Variants in PTPRM observed in about 807,000 individuals in gnomAD.
The protein encoded by PTPRM is protein tyrosine phosphatase receptor type M.
A neutral mutation model predicts 186.7 loss-of-function variants in PTPRM; 47 were observed. That is an observed-to-expected ratio of 0.25 (90% CI 0.20 to 0.32). The LOEUF (loss-of-function observed/expected upper bound fraction) is 0.32, where lower values mean the gene tolerates loss of function less well. Ranked by LOEUF, PTPRM falls within the 10% of genes least tolerant of loss-of-function variation. PTPRM has a pLI of 1.00. For missense variants in PTPRM, 1,494 were observed against 1,865.0 expected (o/e 0.80, Z 3.66); for synonymous variants, 668 against 674.9 (o/e 0.99, Z 0.16).
intron 11 of PTPRM, among the ~76,000 whole-genome samples, chr18:8,109,736 G>T (rs879746631): frequency 2.0e-5 from 3 of 151,996 alleles, no homozygotes; most frequent in Non-Finnish European, 4.4e-5. Context: ...CACCTATTAG[G>T]CACTCAAAAA....
chr18:8,128,688 T>C (rs1239100958), intron 13 of PTPRM, among the ~76,000 whole-genome samples: 3 of 152,190 alleles, frequency 2.0e-5, no homozygotes. Context: ...TGTTGCTTTT[T>C]TCTTGTCATT....
chr18:7,680,677 C>T (rs778948741), intron 1 of PTPRM, among the ~76,000 whole-genome samples: 1 of 150,886 alleles, frequency 6.6e-6, no homozygotes, highest in Non-Finnish European at 1.5e-5. Flanking sequence ...TCATTTTGCT[C>T]GGATAGGGAA....
intron 2 of PTPRM, among the ~76,000 whole-genome samples, chr18:7,826,209 G>A (rs2045476428): frequency 6.6e-6 from 1 of 152,204 alleles, no homozygotes; most frequent in Non-Finnish European, 1.5e-5. Flanking sequence ...GAAAACTTCT[G>A]TCCTAGCACA....
At chr18:8,253,527 C>A in intron 19 of PTPRM, 113 bp downstream of exon 19, 1 of 998,908 alleles carries the variant, frequency 1.0e-6, no homozygotes, top group Non-Finnish European at 1.3e-6. Flanking sequence ...CCGAGAGATG[C>A]CAGAAAGAGA....
intron 14 of PTPRM, among the ~76,000 whole-genome samples, chr18:8,225,587 G>T (rs368062635): frequency 2.0e-5 from 3 of 152,254 alleles, no homozygotes; most frequent in Admixed American, 6.5e-5. Flanking sequence ...TGGGTCAGCC[G>T]TTGCTTCTAG....
chr18:8,305,921 G>A (rs1429162766), intron 20 of PTPRM, among the ~76,000 whole-genome samples: 1 of 150,138 alleles, frequency 6.7e-6, no homozygotes, highest in African/African-American at 2.5e-5. Context: ...TTTTTGGATG[G>A]AGTTTCACCC....
chr18:8,114,613 ACTGG>A lies in PTPRM; in HGVS notation c.2131-177_2131-174del, dbSNP rs1447426210. ...CTAGAAATGCCCAGCACTGCCTGCC[ACTGG>A]AGCCAGAAAATGTATCTGAGTATGG... On this transcript the variant is annotated intron_variant, in intron 12 of 32. Transcript: ENST00000580170. Among the ~76,000 whole-genome samples the A allele has an allele frequency of 2.0e-5, 3 of 152,188 alleles. No homozygotes were observed. The South Asian group carries it at 6.2e-4, about 31-fold the overall frequency.
chr18:7,676,976 C>G (rs2039358855), intron 1 of PTPRM, among the ~76,000 whole-genome samples: 1 of 152,150 alleles, frequency 6.6e-6, no homozygotes, highest in Non-Finnish European at 1.5e-5. Context: ...AGACTAGGTC[C>G]AGCGATAAAA....
intron 14 of PTPRM, among the ~76,000 whole-genome samples, chr18:8,151,474 G>GC (rs200976824): frequency 0.026 from 1,777 of 67,132 alleles, 28 homozygotes; most frequent in African/African-American, 0.066. Flanking sequence ...GCACCCCACC[G>GC]CCCCCCCCCG....
Position 7,948,130 on chromosome 18 carries a change from TACACACACACACACACAC to T in PTPRM, c.664-1021_664-1004del, listed in dbSNP as rs57918724. ...GATAGCCTCTTTCCTGATTATAAAA[TACACACACACACACACAC>T]ACACACACACACACACACACACACA... On this transcript the variant is annotated intron_variant, in intron 5 of 32. Transcript: ENST00000580170. 1.6e-3 allele frequency among the ~76,000 whole-genome samples: 225 copies of T among 137,900 alleles called. 1 individual carries two copies. The highest frequency in any genetic ancestry group is 5.2e-3 in the African/African-American group (189 of 36,426). 90.5% of individuals were successfully genotyped at this position (137,900 alleles called of 152,430 possible).
At chr18:8,073,839 A>T (rs1186121853) in intron 8 of PTPRM, among the ~76,000 whole-genome samples, 1 of 152,192 alleles carries the variant, frequency 6.6e-6, no homozygotes, top group Non-Finnish European at 1.5e-5. Flanking sequence ...TGGGAGGTTG[A>T]GGCTGCAGTG....
chr18:7,762,113 A>G (rs1341908765), intron 1 of PTPRM, among the ~76,000 whole-genome samples: 1 of 152,176 alleles, frequency 6.6e-6, no homozygotes, highest in Non-Finnish European at 1.5e-5. Flanking sequence ...AGGACCGCCC[A>G]GTGCAATAGA....
intron 1 of PTPRM, among the ~76,000 whole-genome samples, chr18:7,765,889 C>G (rs1485097344): frequency 2.6e-5 from 4 of 152,132 alleles, no homozygotes; most frequent in Non-Finnish European, 5.9e-5. Flanking sequence ...TACAAAATAA[C>G]TTTAAATGGA....
intron 1 of PTPRM, among the ~76,000 whole-genome samples, chr18:7,647,437 C>G (rs1488115080): frequency 6.6e-6 from 1 of 152,072 alleles, no homozygotes; most frequent in Non-Finnish European, 1.5e-5. Context: ...TTATTGTGAC[C>G]CAGGCAGCCA....
At chr18:8,102,163 C>T (rs2091319776) in intron 11 of PTPRM, among the ~76,000 whole-genome samples, 1 of 152,196 alleles carries the variant, frequency 6.6e-6, no homozygotes, top group South Asian at 2.1e-4. Context: ...TCTGAGCCTT[C>T]AATGAGGCAT....
intron 14 of PTPRM, among the ~76,000 whole-genome samples, chr18:8,230,152 G>A (rs969413792): frequency 2.0e-5 from 3 of 152,162 alleles, no homozygotes; most frequent in African/African-American, 7.2e-5. Flanking sequence ...ACCCCATGGT[G>A]TAAAGAGGTG....
chr18:8,318,889 A>G (rs76151527), intron 21 of PTPRM, among the ~76,000 whole-genome samples: 223 of 152,374 alleles, frequency 1.5e-3, no homozygotes, highest in African/African-American at 5.1e-3. Flanking sequence ...AGTAATGCTC[A>G]TGTTATTTCA....
chr18:7,917,835 C>A (rs1162534235), intron 4 of PTPRM, among the ~76,000 whole-genome samples: 3 of 152,178 alleles, frequency 2.0e-5, no homozygotes, highest in African/African-American at 7.2e-5. Context: ...TGCACCCCCA[C>A]TCCCCCTATC....
chr18:8,037,455 T>C (rs574911283), intron 7 of PTPRM, among the ~76,000 whole-genome samples: 1 of 152,356 alleles, frequency 6.6e-6, no homozygotes, highest in Non-Finnish European at 1.5e-5. Flanking sequence ...GTCCTCCTTC[T>C]GTTGCTGATT....
Sources: allele counts gnomAD v4.1 joint callset (sites outside exome capture counted in the v4.1 genomes callset), GRCh38; gene constraint gnomAD v4.1.1; transcripts MANE v1.5; gene names NCBI Gene and HGNC (gene_info 2026-07-23, HGNC 2026-07-21).